DGKB: variants seen among roughly 807,000 people sequenced by gnomAD.
The protein encoded by DGKB is diacylglycerol kinase beta.
A neutral mutation model predicts 114.3 loss-of-function variants in DGKB; 67 were observed. That is an observed-to-expected ratio of 0.59 (90% confidence interval 0.48 to 0.72). The LOEUF (loss-of-function observed/expected upper bound fraction) is 0.72. DGKB is among the 30% of genes least tolerant of loss of function. The pLI, the probability that DGKB is intolerant of heterozygous loss-of-function variation, is 0.00. For synonymous variants in DGKB, 398 were observed against 323.1 expected (o/e 1.23, Z -2.49); for missense variants, 907 against 975.2 (o/e 0.93, Z 0.93).
chr7:14,824,939 TAACA>T (rs1162534912), intron 2 of DGKB, among the ~76,000 whole-genome samples: 1 of 147,538 alleles, frequency 6.8e-6, no homozygotes, highest in Non-Finnish European at 1.5e-5. Context: ...GAAGCCAAAC[TAACA>T]AACTAATATG....
intron 23 of DGKB, among the ~76,000 whole-genome samples, chr7:14,234,185 T>C (rs1054555165): frequency 6.6e-6 from 1 of 151,886 alleles, no homozygotes; most frequent in Non-Finnish European, 1.5e-5. Context: ...AATACCTAAG[T>C]AGTAAAGATA....
rs188168805 is a variant in DGKB at position 14,911,691 on chromosome 7, C to T, written c.-188+63005G>A. On this transcript the variant is annotated intron_variant, in intron 1 of 4. Transcript: ENST00000437998. ...TGAGAAAGATGTATGTGTCCACCTGCGGTTTTCACAAGTACCTTAGCTATA... is the reference window on the plus strand; with the variant it reads ...TGAGAAAGATGTATGTGTCCACCTGTGGTTTTCACAAGTACCTTAGCTATA... 1.2e-3 allele frequency among the ~76,000 whole-genome samples: 178 copies of T among 152,222 alleles called. 2 individuals carry two copies. The highest frequency in any genetic ancestry group is 2.7e-3 in the South Asian group (13 of 4,824).
intron 23 of DGKB, among the ~76,000 whole-genome samples, chr7:14,184,076 A>G (rs1405825409): frequency 6.6e-6 from 1 of 152,092 alleles, no homozygotes; most frequent in Non-Finnish European, 1.5e-5. Flanking sequence ...CTTGGAGCTG[A>G]GTCAATTTGG....
intron 5 of DGKB, among the ~76,000 whole-genome samples, chr7:14,723,501 T>C (rs539390021): frequency 1.4e-4 from 22 of 152,132 alleles, no homozygotes; most frequent in Non-Finnish European, 2.6e-4. Context: ...TTCTTCTACT[T>C]GCCCTAGGCT....
chr7:14,588,923 G>A (rs1012188318), intron 17 of DGKB, among the ~76,000 whole-genome samples: 1 of 151,898 alleles, frequency 6.6e-6, no homozygotes, highest in African/African-American at 2.4e-5. Flanking sequence ...ATAATAGTAA[G>A]AAAAACCAAT....
chr7:14,724,818 T>C (rs1030996869), intron 5 of DGKB, among the ~76,000 whole-genome samples: 2 of 152,156 alleles, frequency 1.3e-5, no homozygotes, highest in Admixed American at 6.5e-5. Flanking sequence ...ATTCCAAACT[T>C]TGGACTCTTT....
chr7:14,659,685 C>T (rs1229532514), intron 13 of DGKB, among the ~76,000 whole-genome samples: 2 of 148,040 alleles, frequency 1.4e-5, no homozygotes, highest in Non-Finnish European at 3.0e-5. Context: ...CAAACAGGGA[C>T]AATTTGACTT....
At chr7:14,246,564 C>T (rs12667761) in intron 23 of DGKB, among the ~76,000 whole-genome samples, 18,055 of 152,056 alleles carry the variant, frequency 0.12, 1,373 homozygotes, top group East Asian at 0.21. Flanking sequence ...AAAGAATATA[C>T]TCTGTAAGTT....
rs201167307 is a variant in DGKB, at chr7:14,153,292, G to A, written c.2305-4054C>T. Among the ~76,000 whole-genome samples, 16 of 151,928 alleles carry A rather than the reference G, an allele frequency of 1.1e-4. No homozygotes were observed. The East Asian group carries it at 2.7e-3, about 26-fold the overall frequency. On this transcript the variant is annotated intron_variant, in intron 25 of 25. Coordinates refer to ENST00000402815, the MANE Select transcript of DGKB (RefSeq NM_001350709.2). Reference sequence around the variant, plus strand: ...TCTTTTGTTATCTGAACAACCGCTCGACATCCTTTCCATAAGCATTTATTG... The same window carrying A: ...TCTTTTGTTATCTGAACAACCGCTCAACATCCTTTCCATAAGCATTTATTG...
intron 21 of DGKB, among the ~76,000 whole-genome samples, chr7:14,421,452 A>G (rs12111648): frequency 0.27 from 40,553 of 152,030 alleles, 5,931 homozygotes; most frequent in East Asian, 0.49. Context: ...CTGTAAACTA[A>G]TATGTAATAA....
At chr7:14,197,822 G>C (rs1254562256) in intron 23 of DGKB, among the ~76,000 whole-genome samples, 2 of 152,098 alleles carry the variant, frequency 1.3e-5, no homozygotes, top group Admixed American at 1.3e-4. Context: ...AGTGGTTTCT[G>C]TTTGACAAGC....
At chr7:14,679,078 G>GT (rs774880325) in intron 12 of DGKB, among the ~76,000 whole-genome samples, 38 of 151,858 alleles carry the variant, frequency 2.5e-4, no homozygotes, top group Non-Finnish European at 4.9e-4. Flanking sequence ...GATTCTGGAT[G>GT]TTTTTTTGAG....
intron 20 of DGKB, among the ~76,000 whole-genome samples, chr7:14,516,034 G>A (rs373836828): frequency 6.6e-6 from 1 of 152,134 alleles, no homozygotes; most frequent in Admixed American, 6.5e-5. Context: ...TTTTTGGGGG[G>A]ATGGGGTTTT....
chr7:14,691,214 C>T (rs2128989746), intron 9 of DGKB, among the ~76,000 whole-genome samples: 1 of 152,294 alleles, frequency 6.6e-6, no homozygotes, highest in South Asian at 2.1e-4. Flanking sequence ...AGGACTACTT[C>T]CTTTTCTGTG....
At chr7:14,974,093 T>C (rs1313101129) in intron 1 of DGKB, among the ~76,000 whole-genome samples, 1 of 151,916 alleles carries the variant, frequency 6.6e-6, no homozygotes, top group Non-Finnish European at 1.5e-5. Flanking sequence ...CCATGTCATA[T>C]CATGTGGTAA....
intron 23 of DGKB, among the ~76,000 whole-genome samples, chr7:14,283,011 A>G (rs1330097007): frequency 6.6e-6 from 1 of 151,902 alleles, no homozygotes; most frequent in Non-Finnish European, 1.5e-5. Context: ...AGTTCTGGCC[A>G]GGGCAATTAG....
chr7:14,787,220 G>T (rs1326754827), intron 2 of DGKB, among the ~76,000 whole-genome samples: 1 of 152,178 alleles, frequency 6.6e-6, no homozygotes, highest in Non-Finnish European at 1.5e-5. Flanking sequence ...TTTTATAGCG[G>T]AGTGTGGGGG....
chr7:14,158,586 A>G, intron 25 of DGKB, among the ~76,000 whole-genome samples: 1 of 152,150 alleles, frequency 6.6e-6, no homozygotes, highest in East Asian at 1.9e-4. Context: ...TTTCTCCTCA[A>G]CGTTAAACTA....
At chr7:14,278,235 T>TA (rs1799323477) in intron 23 of DGKB, among the ~76,000 whole-genome samples, 1 of 148,406 alleles carries the variant, frequency 6.7e-6, no homozygotes, top group East Asian at 1.9e-4. Context: ...TGCCCTGAGT[T>TA]AAAAAATATT....
Sources: allele counts gnomAD v4.1 joint callset (sites outside exome capture counted in the v4.1 genomes callset), GRCh38; gene constraint gnomAD v4.1.1; transcripts MANE v1.5; gene names NCBI Gene and HGNC (gene_info 2026-07-23, HGNC 2026-07-21).